The following ERC1 variants were observed in gnomAD, a reference collection of about 807,000 sequenced individuals.
ERC1 encodes the protein RAB6 interacting protein 2.
A neutral mutation model predicts 132.0 loss-of-function variants in ERC1; 56 were observed. That is an observed-to-expected ratio of 0.42 (90% CI 0.34 to 0.53). The LOEUF is 0.53. ERC1 is among the 20% of genes least tolerant of loss of function. The pLI is 0.03. For missense variants in ERC1, 1,202 were observed against 1,349.9 expected, an observed-to-expected ratio of 0.89 and a Z score of 1.72; for synonymous variants, 478 against 476.1, an observed-to-expected ratio of 1.00 and a Z score of -0.05.
intron 16 of ERC1, chr12:1,380,468 C>G (rs2088516431): frequency 6.6e-6 from 1 of 152,260 alleles, no homozygotes; most frequent in Admixed American, 6.5e-5. Flanking sequence ...GAATGAGATG[C>G]CAGTCTCCTT....
At chr12:1,414,603 C>T (rs2092019800) in intron 17 of ERC1, among the ~76,000 whole-genome samples, 1 of 152,132 alleles carries the variant, frequency 6.6e-6, no homozygotes, top group Non-Finnish European at 1.5e-5. Context: ...AGTTCCAGAG[C>T]AAAGATTTCC....
intron 17 of ERC1, among the ~76,000 whole-genome samples, chr12:1,440,404 C>T (rs1480020794): frequency 2.4e-4 from 36 of 150,780 alleles, no homozygotes; most frequent in Admixed American, 4.6e-4. Context: ...GACGGGGTTT[C>T]ACCGTGTTAG....
chr12:1,481,538 C>A (rs1199390089), intron 18 of ERC1, among the ~76,000 whole-genome samples: 1 of 152,208 alleles, frequency 6.6e-6, no homozygotes, highest in East Asian at 1.9e-4. Flanking sequence ...CCAATGAAAT[C>A]TGTCCCTGCT....
upstream of ERC1, chr12:991,072 C>T (rs1320530220): frequency 2.0e-5 from 3 of 151,492 alleles, no homozygotes; most frequent in Non-Finnish European, 4.4e-5. Context: ...GGAAGGCGCC[C>T]GGAGGCCCCC....
At chr12:1,169,427 C>T (rs1952816182) in intron 8 of ERC1, among the ~76,000 whole-genome samples, 1 of 152,226 alleles carries the variant, frequency 6.6e-6, no homozygotes, top group Admixed American at 6.5e-5. Context: ...AGCTTCAGAG[C>T]TCCTCGTGGG....
Position 1,398,971 on chromosome 12 carries a change from G to T in ERC1, c.2926-9178G>T, listed in dbSNP as rs113426074. Among the ~76,000 whole-genome samples, 60 of 102,514 alleles carry T rather than the reference G, an allele frequency of 5.9e-4. 2 individuals are homozygous for T. The highest frequency in any genetic ancestry group is 2.3e-3 in the African/African-American group (55 of 24,268). 67.3% of individuals were successfully genotyped at this position (102,514 alleles called of 152,430 possible). Reference sequence around the variant, plus strand: ...TTTTTTTTTTTTTTTGTTGAAACAAGGTCTCACTCTGTCAACCAGGCTGGA... The same window carrying T: ...TTTTTTTTTTTTTTTGTTGAAACAATGTCTCACTCTGTCAACCAGGCTGGA... On this transcript the variant is annotated intron_variant, in intron 16 of 18. Coordinates refer to ENST00000360905, the MANE Select transcript of ERC1 (RefSeq NM_178040.4).
intron 8 of ERC1, among the ~76,000 whole-genome samples, chr12:1,163,301 GAT>G (rs1952050641): frequency 6.6e-6 from 1 of 152,038 alleles, no homozygotes; most frequent in African/African-American, 2.4e-5. Context: ...TTTTAATTAT[GAT>G]ATGTTCCTTA....
rs1195481341 is a variant in ERC1, at chr12:1,201,933, G to A, written c.2351+11881G>A. Among the ~76,000 whole-genome samples the A allele has an allele frequency of 2.0e-5, 3 of 152,154 alleles. 1 individual carries two copies. The highest frequency in any genetic ancestry group is 7.2e-5 in the African/African-American group (3 of 41,424). On this transcript the variant is annotated intron_variant, in intron 12 of 18. Coordinates refer to ENST00000360905, the MANE Select transcript of ERC1 (RefSeq NM_178040.4). ...GTGGAAGAGAGATGACTGGGGCTGC[G>A]GATGGTGGCTCAGAGTAATTATATA...
intron 12 of ERC1, among the ~76,000 whole-genome samples, chr12:1,202,521 G>A (rs139005017): frequency 6.6e-6 from 1 of 152,136 alleles, no homozygotes; most frequent in Non-Finnish European, 1.5e-5. Context: ...GCCAGTTGTG[G>A]TGGTGTTTGT....
intron 2 of ERC1, 55 bp downstream of exon 2, chr12:1,028,627 T>C: frequency 7.2e-7 from 1 of 1,389,050 alleles, no homozygotes; most frequent in East Asian, 2.3e-5. Flanking sequence ...ATAAATGAAA[T>C]AGCCTTTTTT....
chr12:1,183,263 G>T lies in ERC1; in HGVS notation c.2017-18G>T. ...TTTTTTAAAATTATTTATTCTAGAT[G>T]TGTGTTCCTTCTTTTAGGCTTCACT... is the stretch of plus-strand genomic sequence containing the variant. On this transcript the variant is annotated intron_variant, in intron 10 of 18. Transcript: ENST00000360905. 1 of 1,501,418 alleles carries T rather than the reference G, an allele frequency of 6.7e-7. No homozygotes were observed. The highest frequency in any genetic ancestry group is 9.0e-7 in the Non-Finnish European group (1 of 1,111,542). The allele number at this position is 1,501,418 out of a possible 1,614,324, so 93.0% of individuals were successfully genotyped here.
At chr12:1,460,139 C>T (rs1371868508) in intron 18 of ERC1, among the ~76,000 whole-genome samples, 1 of 152,136 alleles carries the variant, frequency 6.6e-6, no homozygotes, top group African/African-American at 2.4e-5. Context: ...TCAAATTCTC[C>T]AAGATGTTTC....
chr12:1,117,147 T>C (rs891282009), intron 7 of ERC1, among the ~76,000 whole-genome samples: 1 of 152,186 alleles, frequency 6.6e-6, no homozygotes, highest in African/African-American at 2.4e-5. Context: ...TTTTGCTTTA[T>C]AGAAGAAACA....
intron 4 of ERC1, among the ~76,000 whole-genome samples, chr12:1,105,389 G>A (rs1157449377): frequency 4.0e-5 from 6 of 151,712 alleles, no homozygotes; most frequent in African/African-American, 1.2e-4. Flanking sequence ...ATGGAGTCTC[G>A]CTCTGTCGCC....
chr12:1,052,816 A>T (rs1972258426), intron 2 of ERC1, among the ~76,000 whole-genome samples: 1 of 152,142 alleles, frequency 6.6e-6, no homozygotes, highest in East Asian at 1.9e-4. Context: ...CTAAAAATAC[A>T]AAAATTAGCC....
At chr12:1,486,557 T>C (rs961937466) in intron 18 of ERC1, among the ~76,000 whole-genome samples, 3 of 152,174 alleles carry the variant, frequency 2.0e-5, no homozygotes, top group African/African-American at 7.2e-5. Flanking sequence ...CCCGAGTAGC[T>C]GGGACTACAG....
In ERC1 at chr12:1,491,859, C is replaced by T. The variant is rs1035633491; in HGVS notation, c.*1629C>T. On this transcript the variant is annotated 3_prime_UTR_variant, in exon 19 of 19. Transcript: ENST00000360905. ...CATAAATAATTAGGCAGGAACTTAA[C>T]CCAAATCTAGTTCTTTGACCACCTC... 5 of 232,532 alleles carry T rather than the reference C, an allele frequency of 2.2e-5. No homozygotes were observed. Among genetic ancestry groups the T allele is most frequent in the Non-Finnish European group, 4.2e-5 (5 of 117,686 alleles). 14.4% of individuals were successfully genotyped at this position (232,532 alleles called of 1,614,324 possible).
chr12:1,440,969 G>A (rs554215428), intron 17 of ERC1, among the ~76,000 whole-genome samples: 1 of 151,528 alleles, frequency 6.6e-6, no homozygotes, highest in Non-Finnish European at 1.5e-5. Flanking sequence ...TTAAGTTTTC[G>A]ATTGGACTCT....
At chr12:1,244,480 A>C in intron 13 of ERC1, 1 of 440,310 alleles carries the variant, frequency 2.3e-6, no homozygotes, top group South Asian at 1.6e-5. Flanking sequence ...ATATTCATTA[A>C]GTGTTTTGTA....
Sources: allele counts gnomAD v4.1 joint callset (sites outside exome capture counted in the v4.1 genomes callset), GRCh38; gene constraint gnomAD v4.1.1; transcripts MANE v1.5; gene names NCBI Gene and HGNC (gene_info 2026-07-23, HGNC 2026-07-21).